ARHGAP42: variants seen among roughly 807,000 people sequenced by gnomAD.
ARHGAP42 encodes the protein rho GTPase-activating protein 42.
Under a neutral mutation model 125.0 loss-of-function variants are expected in ARHGAP42, and 63 were observed. That is an observed-to-expected ratio of 0.50 (90% CI 0.41 to 0.62). The LOEUF (loss-of-function observed/expected upper bound fraction) is 0.62. Ranked by LOEUF, ARHGAP42 falls within the 20% of genes least tolerant of loss-of-function variation. The pLI, the probability that ARHGAP42 is intolerant of heterozygous loss-of-function variation, is 0.00. For missense variants in ARHGAP42, 766 were observed against 1,024.2 expected (o/e 0.75, Z 3.44); for synonymous variants, 339 against 351.0 (o/e 0.97, Z 0.38).
At chr11:100,939,819 G>A (rs1273616685) in intron 8 of ARHGAP42, among the ~76,000 whole-genome samples, 3 of 152,154 alleles carry the variant, frequency 2.0e-5, no homozygotes, top group Non-Finnish European at 4.4e-5. Context: ...GCAAACTCGA[G>A]GATTAAATGC....
intron 4 of ARHGAP42, among the ~76,000 whole-genome samples, chr11:100,871,973 C>T (rs1253335341): frequency 1.3e-5 from 2 of 152,204 alleles, no homozygotes; most frequent in African/African-American, 2.4e-5. Flanking sequence ...GAACTCCTGA[C>T]CTCGGGTGAT....
At chr11:100,702,292 T>A (rs942882542) in intron 1 of ARHGAP42, among the ~76,000 whole-genome samples, 1 of 152,154 alleles carries the variant, frequency 6.6e-6, no homozygotes, top group Non-Finnish European at 1.5e-5. Flanking sequence ...GATGGAGGAA[T>A]GCCTGGTTGG....
intron 4 of ARHGAP42, among the ~76,000 whole-genome samples, chr11:100,893,790 C>T (rs2135196149): frequency 6.6e-6 from 1 of 152,140 alleles, no homozygotes; most frequent in African/African-American, 2.4e-5. Context: ...TAAATTCCTT[C>T]ATAAAGAAGA....
intron 3 of ARHGAP42, among the ~76,000 whole-genome samples, chr11:100,810,527 T>C (rs1864111267): frequency 6.6e-6 from 1 of 152,240 alleles, no homozygotes; most frequent in Non-Finnish European, 1.5e-5. Context: ...GATACACTGC[T>C]ATTTGAAAAA....
At chr11:100,923,446 G>A (rs1483497739) in intron 6 of ARHGAP42, among the ~76,000 whole-genome samples, 4 of 152,154 alleles carry the variant, frequency 2.6e-5, no homozygotes, top group Admixed American at 1.3e-4. Flanking sequence ...CTTGGAAGAT[G>A]ATATGGGAGT....
chr11:100,969,716 CCTTTAT>C (rs1178331039), intron 17 of ARHGAP42, among the ~76,000 whole-genome samples: 3 of 152,052 alleles, frequency 2.0e-5, no homozygotes, highest in African/African-American at 7.2e-5. Context: ...TCTGTACTTT[CCTTTAT>C]CTTTAGACAT....
At chr11:100,921,965 C>T (rs1000029188) in intron 6 of ARHGAP42, among the ~76,000 whole-genome samples, 1 of 147,298 alleles carries the variant, frequency 6.8e-6, no homozygotes, top group Non-Finnish European at 1.5e-5. Flanking sequence ...AGAGAGGAAG[C>T]TGTTGGCGGG....
chr11:100,807,419 C>T (rs1291301151), intron 3 of ARHGAP42, among the ~76,000 whole-genome samples: 1 of 152,166 alleles, frequency 6.6e-6, no homozygotes, highest in African/African-American at 2.4e-5. Flanking sequence ...TGGTCTCGAA[C>T]TCCTGACCTC....
intron 7 of ARHGAP42, among the ~76,000 whole-genome samples, chr11:100,933,790 A>G (rs1867650166): frequency 6.9e-6 from 1 of 145,058 alleles, no homozygotes; most frequent in African/African-American, 2.5e-5. Flanking sequence ...GACCTTAGAG[A>G]AGTCTTTTTT....
At chr11:100,810,646 T>C (rs1207655093) in intron 3 of ARHGAP42, among the ~76,000 whole-genome samples, 2 of 152,190 alleles carry the variant, frequency 1.3e-5, no homozygotes, top group African/African-American at 4.8e-5. Flanking sequence ...AAATAAAATA[T>C]CCCCTCCCAT....
chr11:100,762,970 A>ATTTTTTTTTT (rs553749625), intron 1 of ARHGAP42, among the ~76,000 whole-genome samples: 1 of 84,992 alleles, frequency 1.2e-5, no homozygotes, highest in Non-Finnish European at 2.2e-5. Flanking sequence ...GTTTATAGTG[A>ATTTTTTTTTT]TTTTTTTTTT....
intron 22 of ARHGAP42, among the ~76,000 whole-genome samples, chr11:100,984,230 A>G (rs1358590625): frequency 6.6e-6 from 1 of 152,082 alleles, no homozygotes; most frequent in Non-Finnish European, 1.5e-5. Context: ...CCAAGAACAA[A>G]TTTGTAAACT....
intron 3 of ARHGAP42, among the ~76,000 whole-genome samples, chr11:100,831,245 G>C (rs530642734): frequency 6.6e-6 from 1 of 152,114 alleles, no homozygotes; most frequent in Non-Finnish European, 1.5e-5. Flanking sequence ...CCTTGTAAAG[G>C]GTAGCTCAGT....
intron 1 of ARHGAP42, among the ~76,000 whole-genome samples, chr11:100,751,266 A>AGT (rs60164599): frequency 0.011 from 1,361 of 128,210 alleles, 32 homozygotes; most frequent in African/African-American, 0.027. Context: ...TTATATATAT[A>AGT]GTGTGTGTGT....
chr11:100,692,254 TTTAA>T (rs1338155257), intron 1 of ARHGAP42, among the ~76,000 whole-genome samples: 3 of 152,020 alleles, frequency 2.0e-5, no homozygotes, highest in Non-Finnish European at 2.9e-5. Flanking sequence ...CTTGTATACA[TTTAA>T]TTATTTATTG....
chr11:100,933,993 G>A (rs563235144), intron 7 of ARHGAP42, among the ~76,000 whole-genome samples: 2 of 152,212 alleles, frequency 1.3e-5, no homozygotes, highest in African/African-American at 4.8e-5. Context: ...CACCATGTTG[G>A]TCAGGCTGGT....
chr11:100,982,633 C>A (rs551833838), intron 22 of ARHGAP42, among the ~76,000 whole-genome samples: 179 of 152,234 alleles, frequency 1.2e-3, no homozygotes, highest in Non-Finnish European at 2.2e-3. Flanking sequence ...CAGTTATACT[C>A]AGAGCAGAGA....
chr11:100,875,711 C>T (rs1156280930), intron 4 of ARHGAP42, among the ~76,000 whole-genome samples: 2 of 152,066 alleles, frequency 1.3e-5, no homozygotes, highest in East Asian at 1.9e-4. Flanking sequence ...CTCAGTGGCC[C>T]GTCACAGGGC....
At chr11:100,916,043 C>G (rs1301571377) in intron 5 of ARHGAP42, among the ~76,000 whole-genome samples, 1 of 152,192 alleles carries the variant, frequency 6.6e-6, no homozygotes, top group Non-Finnish European at 1.5e-5. Flanking sequence ...ACCTGCACAG[C>G]TGACTCCTTA....
Sources: gnomAD v4.1 joint callset for allele counts (sites outside exome capture counted in the v4.1 genomes callset) on GRCh38, gnomAD v4.1.1 for gene constraint, MANE v1.5 for transcripts, NCBI Gene and HGNC (gene_info 2026-07-23, HGNC 2026-07-21) for gene names.